The following ZNF438 variants were observed in gnomAD, a reference collection of about 807,000 sequenced individuals.
The protein encoded by ZNF438 is zinc finger protein 438.
In ZNF438, 25 loss-of-function variants were observed where a neutral mutation model predicts 38.0. The observed-to-expected ratio is 0.66, with a 90% CI of 0.48 to 0.92. ZNF438 has a LOEUF of 0.92. Ranked by LOEUF, ZNF438 falls within the 40% of genes least tolerant of loss-of-function variation. The pLI is 0.00. For missense variants in ZNF438, 1,007 were observed against 999.6 expected (o/e 1.01, Z -0.10); for synonymous variants, 372 against 364.1 (o/e 1.02, Z -0.25).
chr10:31,024,402 G>A (rs780711147), intron 1 of ZNF438, among the ~76,000 whole-genome samples: 12 of 152,156 alleles, frequency 7.9e-5, no homozygotes, highest in African/African-American at 1.9e-4. Context: ...GAAGGCGGGC[G>A]GATCACGAGG....
chr10:30,878,672 C>T (rs1306078759), intron 3 of ZNF438, among the ~76,000 whole-genome samples: 1 of 152,130 alleles, frequency 6.6e-6, no homozygotes, highest in Admixed American at 6.5e-5. Context: ...CACTGCTGTC[C>T]ATAAACGGTA....
chr10:30,940,354 C>T (rs1434178229), intron 2 of ZNF438, among the ~76,000 whole-genome samples: 2 of 152,098 alleles, frequency 1.3e-5, no homozygotes, highest in Non-Finnish European at 2.9e-5. Flanking sequence ...ACAAACAAAA[C>T]ATTAGATGAC....
At chr10:31,003,752 G>A (rs1273573812) in intron 1 of ZNF438, among the ~76,000 whole-genome samples, 1 of 152,126 alleles carries the variant, frequency 6.6e-6, no homozygotes, top group Non-Finnish European at 1.5e-5. Flanking sequence ...CCAAGTCATA[G>A]TCTATGCTCA....
At chr10:30,870,980 G>A (rs1228458448) in intron 4 of ZNF438, among the ~76,000 whole-genome samples, 2 of 152,178 alleles carry the variant, frequency 1.3e-5, no homozygotes, top group Non-Finnish European at 2.9e-5. Context: ...GTCCAGATCA[G>A]TGTTCCTTCA....
chr10:30,953,952 G>C (rs998587321), intron 1 of ZNF438, among the ~76,000 whole-genome samples: 1 of 152,092 alleles, frequency 6.6e-6, no homozygotes, highest in African/African-American at 2.4e-5. Context: ...GACCAGCCTG[G>C]CCAACATGGT....
chr10:30,903,343 G>A (rs1484612038), intron 3 of ZNF438, among the ~76,000 whole-genome samples: 1 of 152,178 alleles, frequency 6.6e-6, no homozygotes, highest in Admixed American at 6.5e-5. Context: ...CCAGCACACT[G>A]TCACCTCTCA....
intron 3 of ZNF438, among the ~76,000 whole-genome samples, chr10:30,905,151 C>A (rs563472522): frequency 6.6e-6 from 1 of 152,174 alleles, no homozygotes. Flanking sequence ...TAAATACTGG[C>A]TGTGTCTTAG....
In ZNF438 at chr10:30,959,253, T is replaced by C. The variant is rs545994501; in HGVS notation, c.-191-17602A>G. ...TTAGACTTTGAGTAGAGCAGATGGT[T>C]CTCCATTATATGGGGGAGCTTCATC... On this transcript the variant is annotated intron_variant, in intron 1 of 5. Coordinates refer to ENST00000413025, the Ensembl canonical transcript of ZNF438. Among the ~76,000 whole-genome samples the C allele has an allele frequency of 5.1e-4, 75 of 146,900 alleles. 3 individuals carry two copies. The highest frequency in any genetic ancestry group is 1.8e-3 in the African/African-American group (75 of 41,116).
chr10:30,984,444 AT>A lies in ZNF438; in HGVS notation c.-191-42794del, dbSNP rs1298450329. 1 of 152,162 alleles carries A rather than the reference AT, an allele frequency of 6.6e-6. No homozygotes were observed. The highest frequency in any genetic ancestry group is 2.4e-5 in the African/African-American group (1 of 41,430). The allele number at this position is 152,162 out of a possible 1,614,324, so 9.4% of individuals were successfully genotyped here. A position where few individuals can be genotyped will look rare whatever the true frequency, so the allele number is the denominator to read the frequency against. ...AATTAATTCTGTAACAATACAAAGT[AT>A]TATTATAATCATATTCAGATAATCC... On this transcript the variant is annotated intron_variant, in intron 1 of 5. Coordinates refer to ENST00000413025, the Ensembl canonical transcript of ZNF438.
chr10:30,974,763 TCAGA>T (rs1433487646), intron 1 of ZNF438, among the ~76,000 whole-genome samples: 3 of 152,206 alleles, frequency 2.0e-5, no homozygotes, highest in African/African-American at 7.2e-5. Context: ...GGTCCTCTGG[TCAGA>T]CACAGAATTT....
chr10:30,969,965 A>C (rs4749646), intron 1 of ZNF438, among the ~76,000 whole-genome samples: 93,875 of 151,864 alleles, frequency 0.62, 30,657 homozygotes, highest in African/African-American at 0.84. Context: ...CCTATGAAGA[A>C]TAATGATGAC....
intron 4 of ZNF438, among the ~76,000 whole-genome samples, chr10:30,876,401 T>C (rs1233680010): frequency 6.6e-6 from 1 of 152,182 alleles, no homozygotes. Flanking sequence ...TTAATTACTC[T>C]TGATGAAGAA....
chr10:30,848,857 G>C (rs747027633), exon 5 of ZNF438: 6 of 1,614,238 alleles, frequency 3.7e-6, no homozygotes, highest in South Asian at 1.1e-5. Flanking sequence ...GTTTGAACTG[G>C]AAGTGGTGGT....
intron 1 of ZNF438, among the ~76,000 whole-genome samples, chr10:30,986,347 A>C (rs1035620191): frequency 6.6e-6 from 1 of 152,196 alleles, no homozygotes; most frequent in African/African-American, 2.4e-5. Flanking sequence ...TCAGTTCCAC[A>C]CTGGGTAGTC....
intron 2 of ZNF438, among the ~76,000 whole-genome samples, chr10:30,927,053 G>A (rs565677637): frequency 2.6e-5 from 4 of 152,316 alleles, no homozygotes; most frequent in South Asian, 2.1e-4. Flanking sequence ...CATAATACAC[G>A]TTGTCTAAAC....
chr10:30,920,157 A>C (rs2044129439), intron 2 of ZNF438: 2 of 152,186 alleles, frequency 1.3e-5, no homozygotes, highest in Non-Finnish European at 2.9e-5. Flanking sequence ...CATCTGACTG[A>C]AGGATGAACA....
At chr10:30,851,923 C>T (rs1436233806) in intron 4 of ZNF438, among the ~76,000 whole-genome samples, 1 of 152,006 alleles carries the variant, frequency 6.6e-6, no homozygotes, top group East Asian at 1.9e-4. Context: ...CTTTGGGAGG[C>T]TGAGATGGGC....
chr10:30,928,592 C>T (rs1306598001), intron 2 of ZNF438, among the ~76,000 whole-genome samples: 1 of 151,358 alleles, frequency 6.6e-6, no homozygotes, highest in African/African-American at 2.4e-5. Context: ...TTCTGCAAAC[C>T]CTGCTATCAA....
chr10:30,896,054 T>C (rs898923883), intron 3 of ZNF438, among the ~76,000 whole-genome samples: 2 of 151,952 alleles, frequency 1.3e-5, no homozygotes, highest in Non-Finnish European at 2.9e-5. Flanking sequence ...GTAATCCCAG[T>C]ACTTTGGGAG....
Sources: gnomAD v4.1 joint callset for allele counts (sites outside exome capture counted in the v4.1 genomes callset) on GRCh38, gnomAD v4.1.1 for gene constraint, MANE v1.5 for transcripts, NCBI Gene and HGNC (gene_info 2026-07-23, HGNC 2026-07-21) for gene names.